The following DSE variants were observed in gnomAD, a reference collection of about 807,000 sequenced individuals.
DSE encodes dermatan-sulfate epimerase.
A neutral mutation model predicts 84.4 loss-of-function variants in DSE; 36 were observed. The ratio of observed to expected loss-of-function variants is 0.43; its 90% CI spans 0.33 to 0.56. The LOEUF (loss-of-function observed/expected upper bound fraction) is 0.56, where lower values mean the gene tolerates loss of function less well. DSE is among the 20% of genes least tolerant of loss of function. The probability of loss-of-function intolerance (pLI) is 0.06; values close to 1 mark genes in which losing one functional copy is unlikely to be tolerated. For synonymous variants in DSE, 410 were observed against 430.1 expected (o/e 0.95, Z 0.58); for missense variants, 862 against 1,169.6 (o/e 0.74, Z 3.84).
chr6:116,380,525 G>GA (rs1303222953), intron 1 of DSE, among the ~76,000 whole-genome samples: 2 of 152,102 alleles, frequency 1.3e-5, no homozygotes, highest in Non-Finnish European at 2.9e-5. Flanking sequence ...AGCCAGCAGA[G>GA]CAAAGGCACA....
intron 2 of DSE, among the ~76,000 whole-genome samples, chr6:116,306,137 A>G (rs1409426837): frequency 6.6e-6 from 1 of 152,208 alleles, no homozygotes; most frequent in East Asian, 1.9e-4. Flanking sequence ...AAAGAGAACA[A>G]TAAATATGGC....
intron 2 of DSE, chr6:116,279,877 G>C: frequency 6.2e-7 from 1 of 1,612,868 alleles, no homozygotes; most frequent in Non-Finnish European, 8.5e-7. Context: ...GTTTTCCTCA[G>C]AGGCCGAACT....
chr6:116,403,169 C>T (rs1235008500), intron 2 of DSE, among the ~76,000 whole-genome samples: 1 of 152,126 alleles, frequency 6.6e-6, no homozygotes, highest in Non-Finnish European at 1.5e-5. Flanking sequence ...TATGCTTTAT[C>T]TACTTTTTCA....
At chr6:116,421,463 A>ATATATATATATTTTT (rs1357496121) in intron 2 of DSE, among the ~76,000 whole-genome samples, 2 of 61,344 alleles carry the variant, frequency 3.3e-5, no homozygotes, top group African/African-American at 9.3e-5. Context: ...ATATATATAT[A>ATATATATATATTTTT]TTTTTTTTTT....
chr6:116,369,775 G>A (rs145744877), upstream of DSE: 8 of 505,564 alleles, frequency 1.6e-5, no homozygotes, highest in Non-Finnish European at 2.6e-5. Context: ...TTCTGAAAAA[G>A]AGAAGCATAA....
At chr6:116,262,166 G>A (rs1025906865) in intron 2 of DSE, among the ~76,000 whole-genome samples, 2 of 152,142 alleles carry the variant, frequency 1.3e-5, no homozygotes, top group African/African-American at 4.8e-5. Context: ...ATTTCAGTAG[G>A]GATGATACTA....
chr6:116,397,064 T>C (rs1583168169), intron 1 of DSE, among the ~76,000 whole-genome samples: 1 of 152,188 alleles, frequency 6.6e-6, no homozygotes, highest in East Asian at 1.9e-4. Flanking sequence ...GGTGTGTGTA[T>C]GGGGGTTCAG....
At chr6:116,390,224 C>T (rs1360079277) in intron 1 of DSE, among the ~76,000 whole-genome samples, 1 of 151,956 alleles carries the variant, frequency 6.6e-6, no homozygotes, top group African/African-American at 2.4e-5. Flanking sequence ...CATGCCACAA[C>T]ACCCAAATAA....
chr6:116,419,667 T>C (rs1477689422), intron 2 of DSE, among the ~76,000 whole-genome samples: 2 of 152,202 alleles, frequency 1.3e-5, no homozygotes, highest in Non-Finnish European at 2.9e-5. Context: ...CTTTTAGAGT[T>C]TGCAATTTCT....
chr6:116,395,342 G>A (rs553236412), intron 1 of DSE, among the ~76,000 whole-genome samples: 5 of 152,032 alleles, frequency 3.3e-5, no homozygotes, highest in African/African-American at 7.2e-5. Flanking sequence ...GGAGAATGGC[G>A]TGAACCCAGG....
At chr6:116,395,413 A>T (rs951647959) in intron 1 of DSE, among the ~76,000 whole-genome samples, 1 of 149,356 alleles carries the variant, frequency 6.7e-6, no homozygotes, top group African/African-American at 2.5e-5. Context: ...CGACAGAGCG[A>T]GACTCCGTCT....
intron 1 of DSE, among the ~76,000 whole-genome samples, chr6:116,387,683 A>G (rs977980098): frequency 2.6e-5 from 4 of 152,240 alleles, no homozygotes; most frequent in African/African-American, 9.6e-5. Flanking sequence ...TTATTTCACC[A>G]TTCTAAATCT....
At chr6:116,369,219 T>TTA (rs1259401686), upstream of DSE, among the ~76,000 whole-genome samples, 9 of 152,246 alleles carry the variant, frequency 5.9e-5, no homozygotes, top group Admixed American at 5.9e-4. Flanking sequence ...CCCCTGCTGA[T>TTA]TCTAAAGTTC....
upstream of DSE, chr6:116,370,945 T>C: frequency 1.0e-6 from 1 of 985,114 alleles, no homozygotes; most frequent in Non-Finnish European, 1.2e-6. Flanking sequence ...GGCCCGGCTC[T>C]CAGTAGCGTC....
intron 1 of DSE, among the ~76,000 whole-genome samples, chr6:116,377,050 G>GTA (rs923665353): frequency 8.5e-5 from 13 of 152,178 alleles, no homozygotes; most frequent in Non-Finnish European, 1.5e-5. Context: ...CCCAGTGTGT[G>GTA]TATAAATTAG....
chr6:116,364,119 T>C (rs1779044075), intron 2 of DSE, among the ~76,000 whole-genome samples: 1 of 152,240 alleles, frequency 6.6e-6, no homozygotes, highest in South Asian at 2.1e-4. Flanking sequence ...TCCTTATACT[T>C]TTCTCACTTA....
chr6:116,375,462 C>T, intron 1 of DSE: 2 of 882,090 alleles, frequency 2.3e-6, no homozygotes, highest in South Asian at 5.2e-5. Flanking sequence ...TATGGTCACA[C>T]CACTGCACTC....
chr6:116,440,023 T>A lies in DSE; in HGVS notation c.*2678T>A, dbSNP rs978093926. On this transcript the variant is annotated 3_prime_UTR_variant, in exon 6 of 6. Transcript: ENST00000644252. Reference sequence around the variant, plus strand: ...AGTTGATGGTAGATGAGACCTATGGTGGTGGATGAGACCCAGAATTTTCAG... The same window carrying A: ...AGTTGATGGTAGATGAGACCTATGGAGGTGGATGAGACCCAGAATTTTCAG... 6.6e-6 allele frequency: 1 copy of A among 151,830 alleles called. No homozygotes were observed. Among genetic ancestry groups the A allele is most frequent in the African/African-American group, 2.4e-5 (1 of 41,312 alleles). The allele number at this position is 151,830 out of a possible 1,614,324, so 9.4% of individuals were successfully genotyped here. A position where few individuals can be genotyped will look rare whatever the true frequency, so the allele number is the denominator to read the frequency against.
intron 2 of DSE, among the ~76,000 whole-genome samples, chr6:116,423,907 A>C (rs1783256944): frequency 1.3e-5 from 2 of 152,198 alleles, no homozygotes; most frequent in Non-Finnish European, 2.9e-5. Context: ...TGTTACATTG[A>C]ATTGGAAACT....
Sources: gnomAD v4.1 joint callset for allele counts (sites outside exome capture counted in the v4.1 genomes callset) on GRCh38, gnomAD v4.1.1 for gene constraint, MANE v1.5 for transcripts, NCBI Gene and HGNC (gene_info 2026-07-23, HGNC 2026-07-21) for gene names.